RNF216: variants seen among roughly 807,000 people sequenced by gnomAD.
RNF216 encodes E3 ubiquitin-protein ligase RNF216.
Under a neutral mutation model 110.8 loss-of-function variants are expected in RNF216, and 72 were observed. The observed-to-expected ratio is 0.65, with a 90% CI of 0.54 to 0.79. RNF216 has a LOEUF of 0.79. Among genes scored for constraint, RNF216 ranks in the 30% least tolerant of loss-of-function variants. The probability of loss-of-function intolerance (pLI) is 0.00; values close to 1 mark genes in which losing one functional copy is unlikely to be tolerated. For missense variants in RNF216, 1,342 were observed against 1,141.2 expected, an observed-to-expected ratio of 1.18 and a Z score of -2.54; for synonymous variants, 495 against 407.5, an observed-to-expected ratio of 1.21 and a Z score of -2.59.
At chr7:5,648,464 A>G (rs1156909384) in intron 14 of RNF216, among the ~76,000 whole-genome samples, 1 of 151,352 alleles carries the variant, frequency 6.6e-6, no homozygotes, top group Admixed American at 6.6e-5. Flanking sequence ...GGTGGCTCAC[A>G]CCTGTAATCC....
chr7:5,653,356 C>T (rs558195551), intron 13 of RNF216, among the ~76,000 whole-genome samples: 81 of 151,854 alleles, frequency 5.3e-4, no homozygotes, highest in Non-Finnish European at 9.9e-4. Context: ...TTTGGGAGGC[C>T]GAGGTGGGCG....
At chr7:5,718,299 T>C (rs1257381412) in intron 9 of RNF216, among the ~76,000 whole-genome samples, 2 of 152,084 alleles carry the variant, frequency 1.3e-5, no homozygotes, top group Non-Finnish European at 2.9e-5. Context: ...GAGAAGCCCT[T>C]GAACCCAGGA....
At chr7:5,753,052 C>G in intron 2 of RNF216, 73 bp from the exon 3 acceptor site, 2 of 1,514,748 alleles carry the variant, frequency 1.3e-6, no homozygotes, top group Non-Finnish European at 1.8e-6. Context: ...TTTTTCCTGA[C>G]AGGGGTACAG....
Position 5,624,850 on chromosome 7 carries a change from G to A in RNF216, c.2383-725C>T, listed in dbSNP as rs1257409289. Reference sequence around the variant, plus strand: ...CAGGGGCCACACTGGGCAAGCCCCAGAGGTTGGGTTTTTGCCACATGCAGC... The same window carrying A: ...CAGGGGCCACACTGGGCAAGCCCCAAAGGTTGGGTTTTTGCCACATGCAGC... On this transcript the variant is annotated intron_variant, in intron 15 of 16. Transcript: ENST00000389902. The surrounding 1 kb of genome is among the most constrained non-coding windows in gnomAD (Gnocchi z 4.4). 1.3e-5 allele frequency among the ~76,000 whole-genome samples: 2 copies of A among 152,244 alleles called. No individual in the cohort carries two copies. Among genetic ancestry groups the A allele is most frequent in the Admixed American group, 6.5e-5 (1 of 15,288 alleles).
At chr7:5,740,621 T>A (rs1794700475) in intron 4 of RNF216, among the ~76,000 whole-genome samples, 1 of 152,120 alleles carries the variant, frequency 6.6e-6, no homozygotes, top group Admixed American at 6.5e-5. Flanking sequence ...GTAAGTGCCA[T>A]ATTGGACAGC....
chr7:5,664,144 C>A (rs1789350328), intron 13 of RNF216, among the ~76,000 whole-genome samples: 1 of 152,154 alleles, frequency 6.6e-6, no homozygotes, highest in Non-Finnish European at 1.5e-5. Context: ...CTTCTCCATG[C>A]AGAGAGTTGT....
chr7:5,628,468 T>C (rs1786853414), intron 15 of RNF216, among the ~76,000 whole-genome samples: 1 of 152,218 alleles, frequency 6.6e-6, no homozygotes, highest in African/African-American at 2.4e-5. Context: ...TTTTTTTTCT[T>C]TTTTAAAATA....
chr7:5,708,705 G>GT (rs1242454112), intron 13 of RNF216, among the ~76,000 whole-genome samples: 1 of 152,158 alleles, frequency 6.6e-6, no homozygotes, highest in African/African-American at 2.4e-5. Flanking sequence ...CCTGTCTGAG[G>GT]TATCACAGGC....
intron 13 of RNF216, among the ~76,000 whole-genome samples, chr7:5,661,256 C>T (rs910786614): frequency 6.6e-6 from 1 of 152,042 alleles, no homozygotes; most frequent in Non-Finnish European, 1.5e-5. Context: ...GGCTGTTTTT[C>T]GAAGGGATTG....
At chr7:5,738,116 A>T (rs1794538193) in intron 5 of RNF216, among the ~76,000 whole-genome samples, 1 of 128,780 alleles carries the variant, frequency 7.8e-6, no homozygotes, top group South Asian at 2.6e-4. Flanking sequence ...AAAAAAAAAA[A>T]ATTACAATTA....
intron 13 of RNF216, among the ~76,000 whole-genome samples, chr7:5,660,528 G>A (rs1397065692): frequency 2.6e-5 from 4 of 151,736 alleles, no homozygotes; most frequent in African/African-American, 9.7e-5. Context: ...TTGACCTGGT[G>A]ATCCACCCAT....
intron 15 of RNF216, among the ~76,000 whole-genome samples, chr7:5,631,276 C>T (rs949586651): frequency 3.3e-5 from 5 of 152,220 alleles, no homozygotes; most frequent in African/African-American, 1.2e-4. Flanking sequence ...AAACAGCCCA[C>T]TTGTCGGCCT....
chr7:5,642,055 AAAG>A (rs1364825573), intron 14 of RNF216, among the ~76,000 whole-genome samples: 9 of 151,164 alleles, frequency 6.0e-5, no homozygotes, highest in East Asian at 1.9e-4. Flanking sequence ...AGAAAAAAAA[AAAG>A]AAAGAAAGAA....
intron 14 of RNF216, among the ~76,000 whole-genome samples, chr7:5,644,597 C>T (rs1450771513): frequency 6.6e-6 from 1 of 151,942 alleles, no homozygotes; most frequent in Non-Finnish European, 1.5e-5. Context: ...CTTCCGCCTC[C>T]TGGGCTCAAG....
intron 13 of RNF216, among the ~76,000 whole-genome samples, chr7:5,654,513 C>T (rs1245199075): frequency 6.6e-6 from 1 of 151,686 alleles, no homozygotes. Flanking sequence ...ATGGCGAAAC[C>T]CCACCTCTAA....
At chr7:5,623,465 C>CTT (rs34566454) in intron 16 of RNF216, among the ~76,000 whole-genome samples, 19 of 142,178 alleles carry the variant, frequency 1.3e-4, no homozygotes, top group African/African-American at 2.8e-4. Flanking sequence ...GACTCAGTTA[C>CTT]TTTTTTTTTT....
chr7:5,766,358 T>C lies in RNF216; in HGVS notation c.-69-5220A>G, dbSNP rs544457101. Among the ~76,000 whole-genome samples, 34 of 152,186 alleles carry C rather than the reference T, an allele frequency of 2.2e-4. 1 individual carries two copies. Among genetic ancestry groups the C allele is most frequent in the Non-Finnish European group, 4.7e-4 (32 of 68,028 alleles). Reference sequence around the variant, plus strand: ...AGGATGAGTGATGCTCTAAAGTGTGTCACGCCTGGCCTCCAAATTCCTATA... The same window carrying C: ...AGGATGAGTGATGCTCTAAAGTGTGCCACGCCTGGCCTCCAAATTCCTATA... On this transcript the variant is annotated intron_variant, in intron 1 of 16. Transcript: ENST00000389902.
Position 5,623,169 on chromosome 7 carries a change from G to A in RNF216, c.2463C>T (p.Phe821=). Residue 821 remains phenylalanine (F), a synonymous_variant, in exon 17 of 17, where the codon TTC becomes TTT. Transcript: ENST00000389902. ...EQKRKNGENT[F]KRIGPPLEKP... ...TCTCCAGCGGGGGTCCAATGCGTTTGAAGGTGTTCTCTGAAAGGGATGTGG... is the reference window on the plus strand; with the variant it reads ...TCTCCAGCGGGGGTCCAATGCGTTTAAAGGTGTTCTCTGAAAGGGATGTGG... 6.4e-7 allele frequency: 1 copy of A among 1,555,620 alleles called. No homozygotes were observed. The highest frequency in any genetic ancestry group is 8.7e-7 in the Non-Finnish European group (1 of 1,145,270).
intron 13 of RNF216, among the ~76,000 whole-genome samples, chr7:5,664,075 G>C (rs1313372469): frequency 6.6e-6 from 1 of 152,166 alleles, no homozygotes; most frequent in African/African-American, 2.4e-5. Context: ...CCTAGCACTA[G>C]ATTTGAGCGG....
Sources: allele counts gnomAD v4.1 joint callset (sites outside exome capture counted in the v4.1 genomes callset), GRCh38; gene constraint gnomAD v4.1.1; non-coding constraint Gnocchi (gnomAD v3.1); transcripts MANE v1.5; gene names NCBI Gene and HGNC (gene_info 2026-07-23, HGNC 2026-07-21).